MDGA2: variants seen among roughly 807,000 people sequenced by gnomAD.
MDGA2 encodes MAM domain-containing glycosylphosphatidylinositol anchor protein 2.
Under a neutral mutation model 117.8 loss-of-function variants are expected in MDGA2, and 40 were observed. The observed-to-expected ratio is 0.34, with a 90% confidence interval of 0.26 to 0.44. MDGA2 has a LOEUF of 0.44. Among genes scored for constraint, MDGA2 ranks in the 20% least tolerant of loss-of-function variants. MDGA2 has a pLI of 1.00. For synonymous variants in MDGA2, 452 were observed against 439.0 expected, an observed-to-expected ratio of 1.03 and a Z score of -0.37; for missense variants, 1,123 against 1,250.6, an observed-to-expected ratio of 0.90 and a Z score of 1.54.
rs574493477 is a variant in MDGA2, at chr14:47,561,183, T to G, written c.280+113334A>C. Among the ~76,000 whole-genome samples the G allele has an allele frequency of 5.2e-4, 74 of 143,088 alleles. 6 individuals carry two copies. Among genetic ancestry groups the G allele is most frequent in the African/African-American group, 1.1e-3 (43 of 39,882 alleles). The allele number at this position is 143,088 out of a possible 152,430, so 93.9% of individuals were successfully genotyped here. The stretch of plus-strand genomic sequence containing the variant: ...GTTTTGTTTTTTTGTTTGTTTGTTT[T>G]TTTTTGCTTAGGATTGCCTTAACTA... On this transcript the variant is annotated intron_variant, in intron 1 of 16. Transcript: ENST00000399232.
chr14:47,603,641 CTT>C (rs1367177686), intron 1 of MDGA2, among the ~76,000 whole-genome samples: 1 of 152,102 alleles, frequency 6.6e-6, no homozygotes, highest in African/African-American at 2.4e-5. Context: ...CTCTGTTTCT[CTT>C]GTTCTCTCTT....
chr14:47,083,700 A>G (rs1053759645), intron 6 of MDGA2, among the ~76,000 whole-genome samples: 4 of 152,108 alleles, frequency 2.6e-5, no homozygotes, highest in Non-Finnish European at 5.9e-5. Context: ...TTCATTTCAA[A>G]TATAATGATA....
chr14:47,507,862 T>C (rs542261666), intron 1 of MDGA2, among the ~76,000 whole-genome samples: 117 of 152,288 alleles, frequency 7.7e-4, no homozygotes, highest in Middle Eastern at 3.4e-3. Context: ...TTACTCTTTA[T>C]ACTCTGCTGC....
At chr14:47,008,571 T>C (rs1370797178) in intron 8 of MDGA2, among the ~76,000 whole-genome samples, 4 of 151,918 alleles carry the variant, frequency 2.6e-5, no homozygotes. Flanking sequence ...AAATCCTTTA[T>C]GGGATTTGAC....
intron 8 of MDGA2, among the ~76,000 whole-genome samples, chr14:47,015,708 A>G (rs2138557745): frequency 6.6e-6 from 1 of 152,224 alleles, no homozygotes; most frequent in Admixed American, 6.5e-5. Flanking sequence ...AGGACTCAAG[A>G]AAGGGTAAGC....
rs535327447 is a variant in MDGA2, at chr14:47,391,417, G to A, written c.281-89867C>T. Among the ~76,000 whole-genome samples the A allele has an allele frequency of 5.1e-4, 77 of 152,094 alleles. 1 individual carries two copies. Among genetic ancestry groups the A allele is most frequent in the Non-Finnish European group, 9.9e-4 (67 of 68,010 alleles). On this transcript the variant is annotated intron_variant, in intron 1 of 16. Coordinates refer to ENST00000399232, the MANE Select transcript of MDGA2 (RefSeq NM_001113498.3). ...AAGTGTGAAACTGCCTCTAAGAAAC[G>A]GGATGATCCATTCAGAGTTATTTCC...
intron 7 of MDGA2, among the ~76,000 whole-genome samples, chr14:47,036,172 A>C (rs964373928): frequency 6.9e-6 from 1 of 145,392 alleles, no homozygotes; most frequent in African/African-American, 2.5e-5. Context: ...GGGGTGGCTG[A>C]GGCAGGAGAA....
At chr14:47,598,164 T>G (rs1566534087) in intron 1 of MDGA2, among the ~76,000 whole-genome samples, 1 of 152,138 alleles carries the variant, frequency 6.6e-6, no homozygotes, top group Non-Finnish European at 1.5e-5. Flanking sequence ...TTAAAAAGAA[T>G]AGAAAATAAC....
intron 6 of MDGA2, among the ~76,000 whole-genome samples, chr14:47,090,520 G>A (rs778452458): frequency 5.3e-5 from 8 of 152,146 alleles, no homozygotes; most frequent in Non-Finnish European, 1.2e-4. Flanking sequence ...GTATCAAGGC[G>A]TCATGGGAGC....
intron 8 of MDGA2, among the ~76,000 whole-genome samples, chr14:47,015,066 T>C (rs541036394): frequency 3.3e-5 from 5 of 152,204 alleles, no homozygotes; most frequent in African/African-American, 1.2e-4. Flanking sequence ...TCTCAGTGAA[T>C]AGGGAGACCC....
intron 1 of MDGA2, among the ~76,000 whole-genome samples, chr14:47,552,335 G>T (rs1343639689): frequency 6.6e-6 from 1 of 152,084 alleles, no homozygotes; most frequent in Non-Finnish European, 1.5e-5. Context: ...GACTCCACCT[G>T]GATATTAAAT....
intron 5 of MDGA2, among the ~76,000 whole-genome samples, chr14:47,130,698 C>A (rs1369160581): frequency 6.6e-6 from 1 of 152,046 alleles, no homozygotes; most frequent in African/African-American, 2.4e-5. Context: ...CTCATTAATT[C>A]TTTCTACAAC....
chr14:47,380,905 A>G (rs36138672), intron 1 of MDGA2, among the ~76,000 whole-genome samples: 44,256 of 151,792 alleles, frequency 0.29, 6,782 homozygotes, highest in Middle Eastern at 0.41. Context: ...AGAGACACAC[A>G]AAAAAAGAGA....
chr14:46,845,535 G>A (rs564722184), intron 16 of MDGA2, among the ~76,000 whole-genome samples: 21 of 152,100 alleles, frequency 1.4e-4, no homozygotes, highest in Non-Finnish European at 2.2e-4. Context: ...CTTGCCTTAC[G>A]TAGATCTAAA....
chr14:46,957,607 C>T lies in MDGA2; in HGVS notation c.1856G>A (p.Arg619Gln), dbSNP rs755945567. ...PAVEPAFLEI[R>Q]QGQDRSVTMS... ...AGTGACACTTCGATCCTGTCCTTGC[C>T]GGATTTCCAAGAATGCTGGTTCCAC... is the stretch of plus-strand genomic sequence containing the variant. The change falls in exon 9 of 17, where the codon CGG (arginine) becomes CAG (glutamine). Residue 619 changes from arginine to glutamine, a missense_variant. Transcript: ENST00000399232. 5 of 1,614,046 alleles carry T rather than the reference C, an allele frequency of 3.1e-6. No individual in the cohort carries two copies. The highest frequency in any genetic ancestry group is 4.2e-6 in the Non-Finnish European group (5 of 1,179,958).
At position 47,541,691 on chromosome 14, in the gene MDGA2, G is replaced by T. The variant is rs76751662; in HGVS notation, c.280+132826C>A. Among the ~76,000 whole-genome samples, 701 of 152,220 alleles carry T rather than the reference G, an allele frequency of 4.6e-3. 4 individuals are homozygous for T. Among genetic ancestry groups the T allele is most frequent in the African/African-American group, 0.016 (652 of 41,540 alleles). On this transcript the variant is annotated intron_variant, in intron 1 of 16. Transcript: ENST00000399232. ...TGAATTATAGTTTTACCTCTTAATC[G>T]CTCTGAGAGCTTGAAGAAATGTCTT...
intron 9 of MDGA2, among the ~76,000 whole-genome samples, chr14:46,925,888 T>C (rs1884314544): frequency 6.6e-6 from 1 of 152,074 alleles, no homozygotes; most frequent in African/African-American, 2.4e-5. Context: ...AAATAAAGCA[T>C]GTCCTTAGGT....
chr14:47,048,545 C>T (rs1023254510), intron 7 of MDGA2, among the ~76,000 whole-genome samples: 6 of 152,000 alleles, frequency 3.9e-5, no homozygotes, highest in African/African-American at 1.4e-4. Flanking sequence ...CTGGACAATG[C>T]CTGTTTTACA....
At chr14:47,587,346 T>C (rs1896344391) in intron 1 of MDGA2, among the ~76,000 whole-genome samples, 1 of 151,838 alleles carries the variant, frequency 6.6e-6, no homozygotes, top group Non-Finnish European at 1.5e-5. Flanking sequence ...TATTTATTAC[T>C]TTTTTTAAAA....
Sources: gnomAD v4.1 joint callset for allele counts (sites outside exome capture counted in the v4.1 genomes callset) on GRCh38, gnomAD v4.1.1 for gene constraint, MANE v1.5 for transcripts, NCBI Gene and HGNC (gene_info 2026-07-23, HGNC 2026-07-21) for gene names.